The following SGCD variants were observed in gnomAD, a reference collection of about 807,000 sequenced individuals.
SGCD encodes the protein delta-sarcoglycan.
SGCD carries 18 observed loss-of-function variants against 36.6 expected under a neutral mutation model. The observed-to-expected ratio is 0.49, with a 90% CI of 0.34 to 0.73. The LOEUF is 0.73. Among genes scored for constraint, SGCD ranks in the 30% least tolerant of loss-of-function variants. The probability of loss-of-function intolerance (pLI) is 0.01; values close to 1 mark genes in which losing one functional copy is unlikely to be tolerated. For missense variants in SGCD, 387 were observed against 346.7 expected (o/e 1.12, Z -0.92); for synonymous variants, 133 against 130.6 (o/e 1.02, Z -0.12).
chr5:156,203,222 T>A (rs993834696), intron 3 of SGCD, among the ~76,000 whole-genome samples: 1 of 152,152 alleles, frequency 6.6e-6, no homozygotes, highest in African/African-American at 2.4e-5. Context: ...TTCAATTATG[T>A]TATATCTGTA....
At chr5:156,475,853 A>C (rs911426466) in intron 3 of SGCD, among the ~76,000 whole-genome samples, 2 of 152,198 alleles carry the variant, frequency 1.3e-5, no homozygotes, top group Non-Finnish European at 2.9e-5. Context: ...GGGGAAGGAG[A>C]CCAAACCTAG....
At chr5:156,677,623 C>T (rs988854029) in intron 7 of SGCD, among the ~76,000 whole-genome samples, 2 of 151,914 alleles carry the variant, frequency 1.3e-5, no homozygotes, top group African/African-American at 4.8e-5. Context: ...ACCAACATGG[C>T]ACATGTACAC....
intron 3 of SGCD, among the ~76,000 whole-genome samples, chr5:156,475,389 G>C (rs958805319): frequency 6.6e-6 from 1 of 152,190 alleles, no homozygotes; most frequent in African/African-American, 2.4e-5. Flanking sequence ...CTTCCAAGCT[G>C]CTGGTGTTGG....
chr5:156,618,511 G>T (rs1330552099), intron 6 of SGCD, among the ~76,000 whole-genome samples: 1 of 126,316 alleles, frequency 7.9e-6, no homozygotes, highest in Non-Finnish European at 1.6e-5. Context: ...TACTTAATGA[G>T]AAAAAGCAAA....
At chr5:156,293,373 C>T (rs567704831) in intron 3 of SGCD, among the ~76,000 whole-genome samples, 1 of 152,142 alleles carries the variant, frequency 6.6e-6, no homozygotes, top group East Asian at 1.9e-4. Flanking sequence ...CCTTTGGTGT[C>T]ATATCCAAGA....
chr5:156,129,480 C>G (rs905906854), intron 3 of SGCD, among the ~76,000 whole-genome samples: 6 of 152,200 alleles, frequency 3.9e-5, no homozygotes, highest in Non-Finnish European at 8.8e-5. Context: ...ATGACCCCAT[C>G]TTTTTCTTTT....
At chr5:156,372,593 A>G (rs1770442941) in intron 3 of SGCD, among the ~76,000 whole-genome samples, 2 of 152,172 alleles carry the variant, frequency 1.3e-5, no homozygotes, top group Admixed American at 6.5e-5. Context: ...TTGTATATAT[A>G]TATATATCTT....
At chr5:156,215,091 G>A (rs1358480958) in intron 3 of SGCD, among the ~76,000 whole-genome samples, 3 of 151,998 alleles carry the variant, frequency 2.0e-5, no homozygotes, top group Non-Finnish European at 4.4e-5. Flanking sequence ...AATGCTCATT[G>A]GAATATTTTG....
intron 3 of SGCD, among the ~76,000 whole-genome samples, chr5:156,196,912 C>T (rs1001172470): frequency 9.9e-5 from 15 of 152,120 alleles, no homozygotes; most frequent in African/African-American, 3.6e-4. Flanking sequence ...GAGCTTTCCA[C>T]AATTTTAAAA....
chr5:156,095,765 TGG>T (rs1197242630), intron 1 of SGCD, among the ~76,000 whole-genome samples: 1 of 152,188 alleles, frequency 6.6e-6, no homozygotes, highest in Non-Finnish European at 1.5e-5. Context: ...CTCAAGTGGC[TGG>T]GTAAAGAGTC....
chr5:156,143,094 G>A lies in SGCD; in HGVS notation c.-44+19075G>A, dbSNP rs75583184. ...GTTCCAAGGCCCCATTTCCCTGAGC[G>A]ACCTCAGGACACTGCTTTTTGCCTC... On this transcript the variant is annotated intron_variant, in intron 3 of 9. Coordinates refer to the SGCD transcript ENST00000517913. 3.7e-4 allele frequency among the ~76,000 whole-genome samples: 57 copies of A among 152,332 alleles called. 1 individual carries two copies. The highest frequency in any genetic ancestry group is 1.3e-3 in the African/African-American group (54 of 41,570).
At chr5:156,251,365 T>C (rs1041849567) in intron 3 of SGCD, among the ~76,000 whole-genome samples, 19 of 152,234 alleles carry the variant, frequency 1.2e-4, no homozygotes, top group African/African-American at 4.3e-4. Flanking sequence ...TAGACCCCCT[T>C]TTCCCTCTAA....
rs1765163470 is a variant in SGCD, at chr5:156,236,401, A to G, written c.-43-93133A>G. On this transcript the variant is annotated intron_variant, in intron 3 of 9. Transcript: ENST00000517913. ...ATTATCTACTGATAATTTTACACAT[A>G]CAACTGAAACATACAACTGAATTAC... Among the ~76,000 whole-genome samples, 3 of 152,094 alleles carry G rather than the reference A, an allele frequency of 2.0e-5. No individual in the cohort carries two copies. The South Asian group carries it at 6.2e-4, about 32-fold the overall frequency.
rs948534696 is a variant in SGCD, at chr5:156,515,861, T to G, written c.294+7159T>G. 2.3e-4 allele frequency among the ~76,000 whole-genome samples: 35 copies of G among 152,316 alleles called. 2 individuals are homozygous for G. Among genetic ancestry groups the G allele is most frequent in the Admixed American group, 2.0e-3 (30 of 15,300 alleles). ...TGCCCTGGAGACTAGGTGGTTTGGA[T>G]GGGAAAGAAGTCCCCACAGTGCAAC... is the stretch of plus-strand genomic sequence containing the variant. On this transcript the variant is annotated intron_variant, in intron 4 of 8. Transcript: ENST00000337851.
At chr5:155,918,448 A>G (rs1476286817) in intron 1 of SGCD, among the ~76,000 whole-genome samples, 2 of 152,314 alleles carry the variant, frequency 1.3e-5, no homozygotes, top group Non-Finnish European at 2.9e-5. Flanking sequence ...CTGTAATCCC[A>G]GCTACTCAGG....
Position 156,297,166 on chromosome 5 carries a change from C to T in SGCD, c.-43-32368C>T, listed in dbSNP as rs73302687. On this transcript the variant is annotated intron_variant, in intron 3 of 9. Coordinates refer to the SGCD transcript ENST00000517913. ...TCATGTTACAAGCATTCCACTGATA[C>T]TCTCTTAGTTATTTTTAAATATACA... Among the ~76,000 whole-genome samples the T allele has an allele frequency of 5.6e-3, 845 of 152,080 alleles. 13 individuals are homozygous for T. The highest frequency in any genetic ancestry group is 0.02 in the African/African-American group (816 of 41,478).
chr5:156,480,749 C>T (rs750192232), intron 3 of SGCD, among the ~76,000 whole-genome samples: 15 of 152,212 alleles, frequency 9.9e-5, no homozygotes, highest in Admixed American at 4.6e-4. Flanking sequence ...GCAATTGCCA[C>T]TACTGAAAAT....
the SGCD span, among the ~76,000 whole-genome samples, chr5:155,764,338 T>C: frequency 1.3e-4 from 20 of 152,152 alleles, no homozygotes; most frequent in African/African-American, 4.1e-4. Context: ...TCCCCAAACA[T>C]AGTGCCTTTT....
chr5:156,759,247 C>A lies in SGCD; in HGVS notation c.730C>A (p.Pro244Thr). ...GTTAGATGCTGCGAAAATCAGGCTA[C>A]CTAGACTGCCTCATGGATCCTACAC... ...IKLDAAKIRL[P>T]RLPHGSYTPT... is the part of the protein sequence containing the mutation. The change falls in exon 9 of 9, where the codon CCT (proline) becomes ACT (threonine). Residue 244 changes from proline to threonine, a missense_variant. By Grantham distance (38) the Pro-to-Thr change is conservative. Coordinates refer to ENST00000337851, the MANE Select transcript of SGCD (RefSeq NM_000337.6). 1.2e-6 allele frequency: 2 copies of A among 1,613,836 alleles called. No individual in the cohort carries two copies. Among genetic ancestry groups the A allele is most frequent in the Non-Finnish European group, 1.7e-6 (2 of 1,179,756 alleles).
Sources: allele counts gnomAD v4.1 joint callset (sites outside exome capture counted in the v4.1 genomes callset), GRCh38; gene constraint gnomAD v4.1.1; transcripts MANE v1.5; gene names NCBI Gene and HGNC (gene_info 2026-07-23, HGNC 2026-07-21).